The following AK4 variants were observed in gnomAD, a reference collection of about 807,000 sequenced individuals.
AK4 encodes the protein adenylate kinase 4.
In AK4, 13 loss-of-function variants were observed where a neutral mutation model predicts 24.6. That is an observed-to-expected ratio of 0.53 (90% CI 0.34 to 0.84). AK4 has a LOEUF of 0.84. Among genes scored for constraint, AK4 ranks in the 40% least tolerant of loss-of-function variants. The pLI is 0.01. For synonymous variants in AK4, 88 were observed against 107.0 expected (o/e 0.82, Z 1.10); for missense variants, 192 against 288.2 (o/e 0.67, Z 2.42).
intron 2 of AK4, among the ~76,000 whole-genome samples, chr1:65,196,640 A>G (rs1651481076): frequency 6.6e-6 from 1 of 151,758 alleles, no homozygotes; most frequent in African/African-American, 2.4e-5. Context: ...AATTTTTTGT[A>G]TTTTTAGTAG....
intron 3 of AK4, among the ~76,000 whole-genome samples, chr1:65,219,302 G>A (rs1278847130): frequency 2.0e-5 from 3 of 151,990 alleles, no homozygotes; most frequent in East Asian, 3.9e-4. Context: ...AGTATTACTA[G>A]CCTCTTTTTA....
intron 3 of AK4, among the ~76,000 whole-genome samples, chr1:65,224,267 T>C (rs1652386836): frequency 6.6e-6 from 1 of 152,150 alleles, no homozygotes; most frequent in Non-Finnish European, 1.5e-5. Flanking sequence ...AGCTCCAGAA[T>C]AGAATTGGAA....
At chr1:65,224,716 G>T in intron 3 of AK4, 36 bp from the exon 4 acceptor site, 1 of 1,564,596 alleles carries the variant, frequency 6.4e-7, no homozygotes, top group East Asian at 2.2e-5. Flanking sequence ...TGGCCCAACT[G>T]TTGTCTATAT....
At position 65,180,904 on chromosome 1, in the gene AK4, A is replaced by G. The variant is rs77621327; in HGVS notation, c.146-9806A>G. Among the ~76,000 whole-genome samples, 560 of 152,282 alleles carry G rather than the reference A, an allele frequency of 3.7e-3. 4 individuals are homozygous for G. Among genetic ancestry groups the G allele is most frequent in the African/African-American group, 0.013 (539 of 41,556 alleles). On this transcript the variant is annotated intron_variant, in intron 1 of 4. Transcript: ENST00000327299. Reference sequence around the variant, plus strand: ...GCAAGGCTTCTCCTAGTTCTGTCCCATACATGCAGTCTGATACTTCAGGGT... The same window carrying G: ...GCAAGGCTTCTCCTAGTTCTGTCCCGTACATGCAGTCTGATACTTCAGGGT...
intron 2 of AK4, among the ~76,000 whole-genome samples, chr1:65,213,660 A>C (rs1271430240): frequency 6.6e-6 from 1 of 152,174 alleles, no homozygotes; most frequent in African/African-American, 2.4e-5. Context: ...CATCTTATAC[A>C]TTTGACAGGG....
intron 1 of AK4, among the ~76,000 whole-genome samples, chr1:65,168,312 A>G (rs1650401260): frequency 6.6e-6 from 1 of 151,930 alleles, no homozygotes; most frequent in Admixed American, 6.6e-5. Context: ...ATGCCCAGCT[A>G]ATTTTGTATT....
chr1:65,154,509 C>G (rs191505797), intron 1 of AK4: 8 of 526,500 alleles, frequency 1.5e-5, no homozygotes, highest in Admixed American at 7.7e-5. Flanking sequence ...ACTGGAGCCA[C>G]TGCTGAAAAT....
chr1:65,149,414 T>C (rs1228862963), intron 1 of AK4, among the ~76,000 whole-genome samples: 4 of 152,290 alleles, frequency 2.6e-5, no homozygotes, highest in South Asian at 2.1e-4. Flanking sequence ...TCCGAAAGAA[T>C]TGGCGTTAAA....
At chr1:65,186,044 T>C (rs1387673636) in intron 1 of AK4, among the ~76,000 whole-genome samples, 1 of 152,164 alleles carries the variant, frequency 6.6e-6, no homozygotes, top group Non-Finnish European at 1.5e-5. Context: ...TCCAAGATGA[T>C]CATATTGATT....
At chr1:65,182,458 T>G (rs1650942566) in intron 1 of AK4, among the ~76,000 whole-genome samples, 1 of 152,066 alleles carries the variant, frequency 6.6e-6, no homozygotes, top group Admixed American at 6.5e-5. Context: ...CAAAACACAC[T>G]TTTCATTGTC....
chr1:65,222,458 T>C (rs1461798440), intron 3 of AK4, among the ~76,000 whole-genome samples: 1 of 152,168 alleles, frequency 6.6e-6, no homozygotes, highest in East Asian at 1.9e-4. Flanking sequence ...GCCTAAGTGA[T>C]TTCTTCTTAA....
intron 2 of AK4, among the ~76,000 whole-genome samples, chr1:65,212,984 G>C (rs780492584): frequency 7.2e-5 from 11 of 152,176 alleles, no homozygotes; most frequent in Non-Finnish European, 1.3e-4. Flanking sequence ...TTGCAGACTT[G>C]GAAGCCATGT....
intron 2 of AK4, among the ~76,000 whole-genome samples, chr1:65,199,372 A>AC (rs1651591801): frequency 6.6e-6 from 1 of 152,162 alleles, no homozygotes; most frequent in Non-Finnish European, 1.5e-5. Flanking sequence ...ACATGGTGAA[A>AC]CCCCATCTTT....
At chr1:65,162,238 G>C (rs1187024409) in intron 1 of AK4, among the ~76,000 whole-genome samples, 1 of 152,090 alleles carries the variant, frequency 6.6e-6, no homozygotes, top group Non-Finnish European at 1.5e-5. Flanking sequence ...ACAGTGAGAA[G>C]TGTCTTAAAC....
chr1:65,206,998 T>A (rs1557462961), intron 2 of AK4, among the ~76,000 whole-genome samples: 1 of 152,198 alleles, frequency 6.6e-6, no homozygotes, highest in African/African-American at 2.4e-5. Flanking sequence ...TCCCAGAGGA[T>A]CTCAGTGAAG....
chr1:65,173,125 A>G (rs945543646), intron 1 of AK4, among the ~76,000 whole-genome samples: 1 of 151,944 alleles, frequency 6.6e-6, no homozygotes. Flanking sequence ...TGGCCTCCCA[A>G]AGTGCTGGGA....
At chr1:65,169,227 C>T (rs560107259) in intron 1 of AK4, among the ~76,000 whole-genome samples, 1 of 151,866 alleles carries the variant, frequency 6.6e-6, no homozygotes, top group South Asian at 2.1e-4. Context: ...CACACTTAGC[C>T]TAAATATTGC....
At chr1:65,219,637 A>G (rs944046565) in intron 3 of AK4, among the ~76,000 whole-genome samples, 1 of 152,200 alleles carries the variant, frequency 6.6e-6, no homozygotes, top group Admixed American at 6.5e-5. Flanking sequence ...GTTTACATAA[A>G]AATTAAATGG....
At chr1:65,171,515 C>A (rs982046529) in intron 1 of AK4, among the ~76,000 whole-genome samples, 1 of 151,648 alleles carries the variant, frequency 6.6e-6, no homozygotes, top group Non-Finnish European at 1.5e-5. Context: ...CTAAATTGGC[C>A]GGGCTGGTCT....
Sources: gnomAD v4.1 joint callset for allele counts (sites outside exome capture counted in the v4.1 genomes callset) on GRCh38, gnomAD v4.1.1 for gene constraint, MANE v1.5 for transcripts, NCBI Gene and HGNC (gene_info 2026-07-23, HGNC 2026-07-21) for gene names.